Variants in HSPA1A observed in about 807,000 individuals in gnomAD.
HSPA1A encodes the protein heat shock protein family A (Hsp70) member 1A.
A neutral mutation model predicts 8.8 loss-of-function variants in HSPA1A; 5 were observed. The ratio of observed to expected loss-of-function variants is 0.57; its 90% CI spans 0.30 to 1.19. HSPA1A has a LOEUF of 1.19. Ranked by LOEUF, HSPA1A falls within the 50% of genes most tolerant of loss-of-function variation. HSPA1A has a pLI of 0.08. For synonymous variants in HSPA1A, 112 were observed against 188.4 expected, an observed-to-expected ratio of 0.59 and a Z score of 3.32; for missense variants, 207 against 430.7, an observed-to-expected ratio of 0.48 and a Z score of 4.60.
Position 31,816,458 on chromosome 6 carries a change from CA to C in HSPA1A, c.704del (p.Asn235ThrfsTer4). 3 of 47,460 alleles carry C rather than the reference CA, an allele frequency of 6.3e-5. No individual in the cohort carries two copies. Among genetic ancestry groups the C allele is most frequent in the Non-Finnish European group, 1.1e-4 (3 of 27,612 alleles). 2.9% of individuals were successfully genotyped at this position (47,460 alleles called of 1,614,324 possible). ...CCCACCTGGGTGGGGAGGACTTTGA[CA>C]ACAGGCTGGTGAACCACTTCGTGGA... is the stretch of plus-strand genomic sequence containing the variant. ...DTHLGGEDFDNRLVNHFVEEF... is the reference protein window; with the variant it reads ...DTHLGGEDFDXRLVNHFVEEF... On this transcript the variant is annotated frameshift_variant, in exon 1 of 1. Coordinates refer to ENST00000375651, the MANE Select transcript of HSPA1A (RefSeq NM_005345.6). LOFTEE classifies it high-confidence loss of function.
Position 31,816,319 on chromosome 6 carries a change from C to T in HSPA1A, c.563C>T (p.Thr188Met). 4.7e-6 allele frequency: 1 copy of T among 212,382 alleles called. No individual in the cohort carries two copies. The allele number at this position is 212,382 out of a possible 1,614,324, so 13.2% of individuals were successfully genotyped here. The change falls in exon 1 of 1, where the codon ACG (threonine) becomes ATG (methionine). Residue 188 changes from threonine (T) to methionine (M), a missense_variant. Coordinates refer to ENST00000375651, the MANE Select transcript of HSPA1A (RefSeq NM_005345.6). Reference protein sequence around the residue: ...AAAIAYGLDRTGKGERNVLIF... With the variant: ...AAAIAYGLDRMGKGERNVLIF... ...GCCATCGCCTACGGCCTGGACAGAA[C>T]GGGCAAGGGGGAGCGCAACGTGCTC...
chr6:31,817,907 T>C lies in HSPA1A; in HGVS notation c.*225T>C. On this transcript the variant is annotated 3_prime_UTR_variant, in exon 1 of 1. Coordinates refer to ENST00000375651, the MANE Select transcript of HSPA1A (RefSeq NM_005345.6). ...CACTTAACTCAGGCCATTTTTTAAG[T>C]TGGTTACTTCAAAGTAAATAAACTT... 1 of 1,424,662 alleles carries C rather than the reference T, an allele frequency of 7.0e-7. No individual in the cohort carries two copies. Among genetic ancestry groups the C allele is most frequent in the Non-Finnish European group, 9.2e-7 (1 of 1,089,622 alleles). 88.3% of individuals were successfully genotyped at this position (1,424,662 alleles called of 1,614,324 possible). A position where few individuals can be genotyped will look rare whatever the true frequency, so the allele number is the denominator to read the frequency against.
rs1249226560 is a variant in HSPA1A, at chr6:31,815,874, A to C, written c.118A>C (p.Ser40Arg). 3 of 1,605,714 alleles carry C rather than the reference A, an allele frequency of 1.9e-6. No individual in the cohort carries two copies. Among genetic ancestry groups the C allele is most frequent in the African/African-American group, 2.7e-5 (2 of 73,196 alleles). ...CGACCAGGGCAACCGCACCACCCCC[A>C]GCTACGTGGCCTTCACGGACACCGA... ...ANDQGNRTTP[S>R]YVAFTDTERL... is the part of the protein sequence containing the mutation. The change falls in exon 1 of 1, where the codon AGC (serine) becomes CGC (arginine). Residue 40 changes from serine (S) to arginine (R), a missense_variant. Physicochemically the swap from Ser to Arg is moderately radical, Grantham distance 110. Around this residue, in one of 5 missense-constraint regions of HSPA1A, gnomAD observed 129 missense variants for 173.1 expected, o/e 0.75. Coordinates refer to ENST00000375651, the MANE Select transcript of HSPA1A (RefSeq NM_005345.6).
chr6:31,815,754 G>T lies in HSPA1A; in HGVS notation c.-3G>T. ...CGGAGCCGACAGAGAGCAGGGAACC[G>T]GCATGGCCAAAGCCGCGGCGATCGG... On this transcript the variant is annotated 5_prime_UTR_variant, in exon 1 of 1. Coordinates refer to ENST00000375651, the MANE Select transcript of HSPA1A (RefSeq NM_005345.6). 1.9e-6 allele frequency: 3 copies of T among 1,613,958 alleles called. No individual in the cohort carries two copies. Among genetic ancestry groups the T allele is most frequent in the Non-Finnish European group, 2.5e-6 (3 of 1,180,026 alleles).
Position 31,815,562 on chromosome 6 carries a change from T to A in HSPA1A, c.-195T>A. On this transcript the variant is annotated 5_prime_UTR_variant, in exon 1 of 1. Transcript: ENST00000375651. ...CCGGATAACGGCTAGCCTGAGGAGC[T>A]GCTGCGACAGTCCACTACCTTTTTC... 2 of 1,349,076 alleles carry A rather than the reference T, an allele frequency of 1.5e-6. 1 individual carries two copies. The highest frequency in any genetic ancestry group is 2.5e-5 in the South Asian group (2 of 80,180). The allele number at this position is 1,349,076 out of a possible 1,614,324, so 83.6% of individuals were successfully genotyped here.
chr6:31,817,622 C>T lies in HSPA1A; in HGVS notation c.1866C>T (p.Phe622=), dbSNP rs746592204. 2.0e-5 allele frequency: 33 copies of T among 1,612,592 alleles called. No individual in the cohort carries two copies. The highest frequency in any genetic ancestry group is 4.0e-5 in the African/African-American group (3 of 74,828). The stretch of plus-strand genomic sequence containing the variant: ...CCGGTGGTCCCGGGCCTGGGGGCTT[C>T]GGGGCTCAGGGTCCCAAGGGAGGGT... ...QGAGGPGPGG[F]GAQGPKGGSG... is the part of the protein sequence containing the mutation. The change falls in exon 1 of 1, where the codon TTC becomes TTT. Residue 622 remains phenylalanine, a synonymous_variant. Transcript: ENST00000375651.
Position 31,815,596 on chromosome 6 carries a change from C to T in HSPA1A, c.-161C>T. 3.3e-6 allele frequency: 5 copies of T among 1,538,416 alleles called. No individual in the cohort carries two copies. In the Middle Eastern group the frequency reaches 5.0e-4, roughly 155 times the overall value. The stretch of plus-strand genomic sequence containing the variant: ...AGTCCACTACCTTTTTCGAGAGTGA[C>T]TCCCGTTGTCCCAAGGCTTCCCAGA... On this transcript the variant is annotated 5_prime_UTR_variant, in exon 1 of 1. Transcript: ENST00000375651.
chr6:31,815,567 C>T lies in HSPA1A; in HGVS notation c.-190C>T. On this transcript the variant is annotated 5_prime_UTR_variant, in exon 1 of 1. Transcript: ENST00000375651. ...TAACGGCTAGCCTGAGGAGCTGCTG[C>T]GACAGTCCACTACCTTTTTCGAGAG... The T allele has an allele frequency of 3.6e-6, 5 of 1,379,220 alleles. No individual in the cohort carries two copies. The highest frequency in any genetic ancestry group is 5.0e-6 in the Non-Finnish European group (5 of 1,000,020). The allele number at this position is 1,379,220 out of a possible 1,614,324, so 85.4% of individuals were successfully genotyped here.
rs1816001057 is a variant in HSPA1A at position 31,817,368 on chromosome 6, G to T, written c.1612G>T (p.Ala538Ser). 1 of 1,602,974 alleles carries T rather than the reference G, an allele frequency of 6.2e-7. No individual in the cohort carries two copies. The highest frequency in any genetic ancestry group is 1.4e-5 in the African/African-American group (1 of 73,930). Residue 538 changes from alanine (A) to serine (S), a missense_variant, in exon 1 of 1, where the codon GCC becomes TCC. By Grantham distance (99) the Ala-to-Ser change is moderately conservative. Transcript: ENST00000375651. ...EDEVQRERVS[A>S]KNALESYAFN... is the part of the protein sequence containing the mutation. Reference sequence around the variant, plus strand: ...CGAGGTGCAGCGCGAGAGGGTGTCAGCCAAGAACGCCCTGGAGTCCTACGC... The same window carrying T: ...CGAGGTGCAGCGCGAGAGGGTGTCATCCAAGAACGCCCTGGAGTCCTACGC...
rs1816035236 is a variant in HSPA1A at position 31,817,682 on chromosome 6, G to A, written c.1926G>A (p.Ter642=). 1 of 1,606,636 alleles carries A rather than the reference G, an allele frequency of 6.2e-7. No homozygotes were observed. Among genetic ancestry groups the A allele is most frequent in the Non-Finnish European group, 8.5e-7 (1 of 1,176,440 alleles). The part of the protein sequence containing the change: ...GSGPTIEEVD[*] ...GCCCCACCATTGAGGAGGTAGATTA[G>A]GGGCCTTTCCAAGATTGCTGTTTTT... The change falls in exon 1 of 1, where the codon TAG becomes TAA. Residue 642 remains the stop codon, a stop_retained_variant. Transcript: ENST00000375651.
In HSPA1A at chr6:31,817,725, C is replaced by T; in HGVS notation, c.*43C>T. Reference sequence around the variant, plus strand: ...CTGTTTTTGTTTTGGAGCTTCAAGACTTTGCATTTCCTAGTATTTCTGTTT... The same window carrying T: ...CTGTTTTTGTTTTGGAGCTTCAAGATTTTGCATTTCCTAGTATTTCTGTTT... On this transcript the variant is annotated 3_prime_UTR_variant, in exon 1 of 1. Transcript: ENST00000375651. The T allele has an allele frequency of 1.9e-6, 3 of 1,572,564 alleles. No homozygotes were observed. Among genetic ancestry groups the T allele is most frequent in the Non-Finnish European group, 2.6e-6 (3 of 1,161,364 alleles).
Position 31,817,783 on chromosome 6 carries a change from GA to G in HSPA1A, c.*104del. 6.6e-7 allele frequency: 1 copy of G among 1,509,778 alleles called. No homozygotes were observed. The highest frequency in any genetic ancestry group is 8.8e-7 in the Non-Finnish European group (1 of 1,132,686). The allele number at this position is 1,509,778 out of a possible 1,614,324, so 93.5% of individuals were successfully genotyped here. ...CTCAATTTCCTGTGTTTGCAATGTT[GA>G]AATTTTTTGGTGAAGTACTGAACTT... On this transcript the variant is annotated 3_prime_UTR_variant, in exon 1 of 1. Transcript: ENST00000375651.
At position 31,815,726 on chromosome 6, in the gene HSPA1A, G is replaced by A; in HGVS notation, c.-31G>A. ...GTTCCGTTTCCAGCCCCCAATCTCA[G>A]AGCGGAGCCGACAGAGAGCAGGGAA... On this transcript the variant is annotated 5_prime_UTR_variant, in exon 1 of 1. Transcript: ENST00000375651. The A allele has an allele frequency of 6.2e-7, 1 of 1,613,842 alleles. No homozygotes were observed. The highest frequency in any genetic ancestry group is 8.5e-7 in the Non-Finnish European group (1 of 1,179,998).
Position 31,817,770 on chromosome 6 carries a change from T to A in HSPA1A, c.*88T>A. On this transcript the variant is annotated 3_prime_UTR_variant, in exon 1 of 1. Coordinates refer to ENST00000375651, the MANE Select transcript of HSPA1A (RefSeq NM_005345.6). ...CTGTTTGTCAGTTCTCAATTTCCTG[T>A]GTTTGCAATGTTGAAATTTTTTGGT... is the stretch of plus-strand genomic sequence containing the variant. 6.6e-7 allele frequency: 1 copy of A among 1,522,482 alleles called. No individual in the cohort carries two copies. Among genetic ancestry groups the A allele is most frequent in the South Asian group, 1.3e-5 (1 of 76,710 alleles). The allele number at this position is 1,522,482 out of a possible 1,614,324, so 94.3% of individuals were successfully genotyped here.
chr6:31,817,844 T>G lies in HSPA1A; in HGVS notation c.*162T>G. ...CCGGTTTCTACATGCAGAGATGAATTTATACTGCCATCTTACGACTATTTC... is the reference window on the plus strand; with the variant it reads ...CCGGTTTCTACATGCAGAGATGAATGTATACTGCCATCTTACGACTATTTC... On this transcript the variant is annotated 3_prime_UTR_variant, in exon 1 of 1. Transcript: ENST00000375651. 1 of 1,447,152 alleles carries G rather than the reference T, an allele frequency of 6.9e-7. No homozygotes were observed. The highest frequency in any genetic ancestry group is 9.1e-7 in the Non-Finnish European group (1 of 1,099,346). The allele number at this position is 1,447,152 out of a possible 1,614,324, so 89.6% of individuals were successfully genotyped here. A position where few individuals can be genotyped will look rare whatever the true frequency, so the allele number is the denominator to read the frequency against.
At position 31,817,600 on chromosome 6, in the gene HSPA1A, G is replaced by T; in HGVS notation, c.1844G>T (p.Gly615Val). 1.2e-6 allele frequency: 2 copies of T among 1,612,934 alleles called. No homozygotes were observed. Among genetic ancestry groups the T allele is most frequent in the Non-Finnish European group, 8.5e-7 (1 of 1,180,030 alleles). ...ATCAGCGGACTGTACCAGGGTGCCG[G>T]TGGTCCCGGGCCTGGGGGCTTCGGG... ...PIISGLYQGA[G>V]GPGPGGFGAQ... The change falls in exon 1 of 1, where the codon GGT (glycine) becomes GTT (valine). Residue 615 changes from glycine to valine, a missense_variant. Around this residue, in one of 5 missense-constraint regions of HSPA1A, gnomAD observed 35 missense variants for 82.3 expected, o/e 0.43. Coordinates refer to ENST00000375651, the MANE Select transcript of HSPA1A (RefSeq NM_005345.6).
chr6:31,815,589 A>T lies in HSPA1A; in HGVS notation c.-168A>T. The T allele has an allele frequency of 6.6e-7, 1 of 1,512,622 alleles. No individual in the cohort carries two copies. Among genetic ancestry groups the T allele is most frequent in the Non-Finnish European group, 9.0e-7 (1 of 1,108,922 alleles). The allele number at this position is 1,512,622 out of a possible 1,614,324, so 93.7% of individuals were successfully genotyped here. A position where few individuals can be genotyped will look rare whatever the true frequency, so the allele number is the denominator to read the frequency against. ...CTGCGACAGTCCACTACCTTTTTCGAGAGTGACTCCCGTTGTCCCAAGGCT... is the reference window on the plus strand; with the variant it reads ...CTGCGACAGTCCACTACCTTTTTCGTGAGTGACTCCCGTTGTCCCAAGGCT... On this transcript the variant is annotated 5_prime_UTR_variant, in exon 1 of 1. Transcript: ENST00000375651.
chr6:31,817,344 G>C lies in HSPA1A; in HGVS notation c.1588G>C (p.Glu530Gln), dbSNP rs1259104378. The C allele has an allele frequency of 8.8e-6, 14 of 1,585,926 alleles. No homozygotes were observed. The highest frequency in any genetic ancestry group is 1.2e-5 in the Non-Finnish European group (14 of 1,168,820). Reference protein sequence around the residue: ...QEAEKYKAEDEVQRERVSAKN... With the variant: ...QEAEKYKAEDQVQRERVSAKN... ...GGCGGAGAAGTACAAAGCGGAGGAC[G>C]AGGTGCAGCGCGAGAGGGTGTCAGC... Residue 530 changes from glutamate to glutamine, a missense_variant, in exon 1 of 1, where the codon GAG becomes CAG. Glu to Gln is a conservative substitution (Grantham distance 29, BLOSUM62 2). Coordinates refer to ENST00000375651, the MANE Select transcript of HSPA1A (RefSeq NM_005345.6).
In HSPA1A at chr6:31,815,548, C is replaced by G. The variant is rs1815867197; in HGVS notation, c.-209C>G. ...CAGGGGCAAGCGGTCCGGATAACGG[C>G]TAGCCTGAGGAGCTGCTGCGACAGT... On this transcript the variant is annotated 5_prime_UTR_variant, in exon 1 of 1. Coordinates refer to ENST00000375651, the MANE Select transcript of HSPA1A (RefSeq NM_005345.6). 1 of 1,256,374 alleles carries G rather than the reference C, an allele frequency of 8.0e-7. No homozygotes were observed. 77.8% of individuals were successfully genotyped at this position (1,256,374 alleles called of 1,614,324 possible).
Sources: allele counts gnomAD v4.1 joint callset, GRCh38; gene constraint gnomAD v4.1.1; regional missense constraint gnomAD v4.1.1; transcripts MANE v1.5; gene names NCBI Gene and HGNC (gene_info 2026-07-23, HGNC 2026-07-21).